The following VIPAS39 variants were observed in gnomAD, a reference collection of about 807,000 sequenced individuals.
VIPAS39 encodes VPS33B interacting protein, apical-basolateral polarity regulator, spe-39 homolog.
In VIPAS39, 63 loss-of-function variants were observed where a neutral mutation model predicts 84.7. That is an observed-to-expected ratio of 0.74 (90% confidence interval 0.61 to 0.92). The LOEUF (loss-of-function observed/expected upper bound fraction) is 0.92, where lower values mean the gene tolerates loss of function less well. Ranked by LOEUF, VIPAS39 falls within the 40% of genes least tolerant of loss-of-function variation. The pLI is 0.00. For synonymous variants in VIPAS39, 192 were observed against 216.5 expected (o/e 0.89, Z 0.99); for missense variants, 499 against 604.5 (o/e 0.83, Z 1.83).
At chr14:77,436,094 T>C (rs1346522882) in intron 12 of VIPAS39, among the ~76,000 whole-genome samples, 175 bp from the exon 13 acceptor site, 1 of 152,240 alleles carries the variant, frequency 6.6e-6, no homozygotes, top group Non-Finnish European at 1.5e-5. Flanking sequence ...GTGAATTTCA[T>C]ATTAAAGGTT....
At chr14:77,444,120 C>T (rs2078748395) in intron 8 of VIPAS39, 129 bp downstream of exon 8, 2 of 913,040 alleles carry the variant, frequency 2.2e-6, no homozygotes, top group South Asian at 2.8e-5. Flanking sequence ...TACTTAGAAT[C>T]CTACACCTCC....
intron 16 of VIPAS39, among the ~76,000 whole-genome samples, chr14:77,430,890 T>C (rs2078512381): frequency 6.6e-6 from 1 of 152,020 alleles, no homozygotes; most frequent in Admixed American, 6.6e-5. Flanking sequence ...CCCAAGCATA[T>C]ATGGTCAGCT....
intron 8 of VIPAS39, among the ~76,000 whole-genome samples, 175 bp downstream of exon 8, chr14:77,444,074 T>C (rs1323989818): frequency 6.6e-6 from 1 of 150,814 alleles, no homozygotes; most frequent in Non-Finnish European, 1.5e-5. Flanking sequence ...CCACGCTTAG[T>C]GCATGTGGCA....
intron 12 of VIPAS39, among the ~76,000 whole-genome samples, chr14:77,436,173 T>C (rs1444834071): frequency 2.6e-5 from 4 of 152,158 alleles, no homozygotes; most frequent in African/African-American, 9.7e-5. Context: ...TGCTGATAAA[T>C]GAATTAGAAT....
At position 77,443,336 on chromosome 14, in the gene VIPAS39, C is replaced by T. The variant is rs3742734; in HGVS notation, c.598-184G>A. 6.4e-4 allele frequency among the ~76,000 whole-genome samples: 98 copies of T among 152,292 alleles called. 1 individual carries two copies. The East Asian group carries it at 0.016, about 25-fold the overall frequency. ...GCTGTGTCTTGAGAGTCCACACACCCGTGCCCATGCTGCTGAGAGACACCT... is the reference window on the plus strand; with the variant it reads ...GCTGTGTCTTGAGAGTCCACACACCTGTGCCCATGCTGCTGAGAGACACCT... On this transcript the variant is annotated intron_variant, in intron 8 of 19. Transcript: ENST00000557658.
At chr14:77,428,950 C>T in intron 18 of VIPAS39, 56 bp downstream of exon 18, 2 of 1,480,630 alleles carry the variant, frequency 1.4e-6, no homozygotes, top group Admixed American at 1.7e-5. Flanking sequence ...TTATAATCCC[C>T]ACCCTGCTTC....
At chr14:77,445,875 G>C (rs1442614316) in intron 7 of VIPAS39, among the ~76,000 whole-genome samples, 1 of 151,324 alleles carries the variant, frequency 6.6e-6, no homozygotes, top group African/African-American at 2.4e-5. Flanking sequence ...GGGAGGCGTA[G>C]GTTGCAGTGA....
At chr14:77,437,653 T>G (rs2078634674) in intron 12 of VIPAS39, among the ~76,000 whole-genome samples, 155 bp downstream of exon 12, 1 of 152,316 alleles carries the variant, frequency 6.6e-6, no homozygotes, top group Non-Finnish European at 1.5e-5. Flanking sequence ...GGGACTAGTG[T>G]GTGAACACCA....
intron 3 of VIPAS39, among the ~76,000 whole-genome samples, chr14:77,451,784 A>T (rs1046705562): frequency 6.6e-6 from 1 of 152,176 alleles, no homozygotes; most frequent in African/African-American, 2.4e-5. Flanking sequence ...TAAAAATATA[A>T]TGAGAAACCA....
intron 18 of VIPAS39, 145 bp from the exon 19 acceptor site, chr14:77,428,619 T>TA: frequency 2.7e-6 from 2 of 730,930 alleles, no homozygotes; most frequent in Non-Finnish European, 4.9e-6. Context: ...TGTGCTACTG[T>TA]GTACACATGA....
intron 7 of VIPAS39, 68 bp from the exon 8 acceptor site, chr14:77,444,409 TA>T: frequency 1.4e-6 from 2 of 1,391,116 alleles, no homozygotes; most frequent in Non-Finnish European, 2.0e-6. Context: ...TGCTGGATAC[TA>T]AAGAATAAGC....
chr14:77,428,197 G>A (rs2078460764), intron 19 of VIPAS39, among the ~76,000 whole-genome samples, 173 bp downstream of exon 19: 1 of 152,206 alleles, frequency 6.6e-6, no homozygotes, highest in African/African-American at 2.4e-5. Flanking sequence ...CATCTCAGGA[G>A]TAATTTCTGC....
At position 77,448,485 on chromosome 14, in the gene VIPAS39, T is replaced by C. The variant is rs371762531; in HGVS notation, c.504+9A>G. The C allele has an allele frequency of 5.6e-5, 91 of 1,614,154 alleles. No homozygotes were observed. The African/African-American group carries it at 1.1e-3, about 20-fold the overall frequency. On this transcript the variant is annotated intron_variant, in intron 7 of 19. Coordinates refer to ENST00000557658, the MANE Select transcript of VIPAS39 (RefSeq NM_001193315.2). ...CCCAAAGAACCTCACAAAAATTCTC[T>C]GTCCTTACCTTGCCCTTCCGGAGAC...
chr14:77,449,509 C>G, intron 5 of VIPAS39, 152 bp from the exon 6 acceptor site: 1 of 1,271,278 alleles, frequency 7.9e-7, no homozygotes, highest in Non-Finnish European at 1.1e-6. Flanking sequence ...TCCCCAAAGA[C>G]AGCATCCCTA....
chr14:77,435,492 C>A (rs932092053), intron 13 of VIPAS39, 99 bp from the exon 14 acceptor site: 1 of 1,491,388 alleles, frequency 6.7e-7, no homozygotes, highest in African/African-American at 1.4e-5. Context: ...GTGTTTCCCA[C>A]CCTAGGAGAG....
intron 19 of VIPAS39, among the ~76,000 whole-genome samples, chr14:77,427,991 A>G (rs1054738816): frequency 6.6e-6 from 1 of 152,048 alleles, no homozygotes; most frequent in Non-Finnish European, 1.5e-5. Flanking sequence ...GCTAACATCT[A>G]TTTCACCCAC....
chr14:77,437,574 G>GA (rs530522515), intron 12 of VIPAS39, among the ~76,000 whole-genome samples: 16 of 151,644 alleles, frequency 1.1e-4, no homozygotes, highest in Middle Eastern at 6.9e-3. Flanking sequence ...TTAGCTTTAG[G>GA]AAAAAAAATC....
In VIPAS39 at chr14:77,442,676, A is replaced by C. The variant is rs142501624; in HGVS notation, c.632-14T>G. ...GGAAGAGGATCTCTGTCAGACAGTC[A>C]GGAGTTAAGTTGAGAAAGATTAAAG... On this transcript the variant is annotated splice_polypyrimidine_tract_variant and intron_variant, in intron 9 of 19. Transcript: ENST00000557658. The C allele has an allele frequency of 6.2e-7, 1 of 1,612,936 alleles. No individual in the cohort carries two copies. Among genetic ancestry groups the C allele is most frequent in the Non-Finnish European group, 8.5e-7 (1 of 1,178,984 alleles).
At chr14:77,437,733 C>T in intron 12 of VIPAS39, 75 bp downstream of exon 12, 2 of 1,486,548 alleles carry the variant, frequency 1.3e-6, no homozygotes, top group Non-Finnish European at 1.9e-6. Context: ...CCTATCCATT[C>T]CACCCTTTTT....
Sources: allele counts gnomAD v4.1 joint callset (sites outside exome capture counted in the v4.1 genomes callset), GRCh38; gene constraint gnomAD v4.1.1; transcripts MANE v1.5; gene names NCBI Gene and HGNC (gene_info 2026-07-23, HGNC 2026-07-21).